DAPK1: variants seen among roughly 807,000 people sequenced by gnomAD.
DAPK1 encodes death associated protein kinase 1.
DAPK1 carries 56 observed loss-of-function variants against 144.9 expected under a neutral mutation model. The observed-to-expected ratio is 0.39, with a 90% confidence interval of 0.31 to 0.48. DAPK1 has a LOEUF of 0.48. Among genes scored for constraint, DAPK1 ranks in the 20% least tolerant of loss-of-function variants. The pLI is 0.95. For synonymous variants in DAPK1, 690 were observed against 749.0 expected (o/e 0.92, Z 1.29); for missense variants, 1,454 against 1,875.4 (o/e 0.78, Z 4.15).
At chr9:87,668,731 T>C (rs948643142) in intron 19 of DAPK1, 57 bp downstream of exon 19, 4 of 884,970 alleles carry the variant, frequency 4.5e-6, no homozygotes, top group Non-Finnish European at 7.8e-6. Context: ...TGAAAAAGTC[T>C]CAGTCTTTTT....
chr9:87,652,901 C>G (rs564687202), intron 17 of DAPK1, among the ~76,000 whole-genome samples: 2 of 140,502 alleles, frequency 1.4e-5, no homozygotes, highest in African/African-American at 5.2e-5. Context: ...CCCACCTGAT[C>G]CCGGGTCCTG....
chr9:87,667,441 C>T (rs552418388), intron 18 of DAPK1, among the ~76,000 whole-genome samples: 54 of 152,304 alleles, frequency 3.5e-4, no homozygotes, highest in African/African-American at 1.2e-3. Context: ...GCTACTGCCA[C>T]CTAGTGTGTA....
rs36203593 is a variant in DAPK1, at chr9:87,572,788, C to T, written c.63-32166C>T. Among the ~76,000 whole-genome samples, 918 of 152,186 alleles carry T rather than the reference C, an allele frequency of 6.0e-3. 15 individuals carry two copies. The highest frequency in any genetic ancestry group is 0.021 in the African/African-American group (888 of 41,520). ...TAAACTTCTTTTATTTGTAATTTACCCATTCTCAGGTATTTCTTTCTTGCA... is the reference window on the plus strand; with the variant it reads ...TAAACTTCTTTTATTTGTAATTTACTCATTCTCAGGTATTTCTTTCTTGCA... On this transcript the variant is annotated intron_variant, in intron 2 of 25. Coordinates refer to ENST00000408954, the MANE Select transcript of DAPK1 (RefSeq NM_004938.4).
intron 17 of DAPK1, among the ~76,000 whole-genome samples, chr9:87,656,106 G>T (rs1830617619): frequency 6.6e-6 from 1 of 152,218 alleles, no homozygotes; most frequent in Non-Finnish European, 1.5e-5. Context: ...AATCAGGGAA[G>T]GCTTTTCAGA....
chr9:87,584,701 A>G (rs541225472), intron 2 of DAPK1, among the ~76,000 whole-genome samples: 3 of 146,548 alleles, frequency 2.0e-5, no homozygotes, highest in Admixed American at 2.0e-4. Flanking sequence ...TTTGAGATGG[A>G]GTTTCACTCT....
intron 3 of DAPK1, among the ~76,000 whole-genome samples, chr9:87,629,368 C>G (rs1256993107): frequency 6.6e-6 from 1 of 152,198 alleles, no homozygotes; most frequent in Non-Finnish European, 1.5e-5. Context: ...GGATTCCCCT[C>G]CAAGCTTTAG....
At chr9:87,677,693 G>A (rs1824446937) in intron 19 of DAPK1, among the ~76,000 whole-genome samples, 1 of 152,190 alleles carries the variant, frequency 6.6e-6, no homozygotes, top group South Asian at 2.1e-4. Flanking sequence ...AATAGATGGG[G>A]AAGTTTGCAT....
chr9:87,596,945 C>T (rs1182565253), intron 2 of DAPK1, among the ~76,000 whole-genome samples: 4 of 152,078 alleles, frequency 2.6e-5, no homozygotes, highest in African/African-American at 9.7e-5. Flanking sequence ...GGACCTATAG[C>T]CATCTGAAGA....
At chr9:87,561,906 A>G (rs1249941342) in intron 2 of DAPK1, among the ~76,000 whole-genome samples, 1 of 152,064 alleles carries the variant, frequency 6.6e-6, no homozygotes, top group Non-Finnish European at 1.5e-5. Context: ...TCAAGCAAGG[A>G]GAAGGGAAGG....
At chr9:87,591,466 G>A (rs1336360140) in intron 2 of DAPK1, among the ~76,000 whole-genome samples, 2 of 152,204 alleles carry the variant, frequency 1.3e-5, no homozygotes, top group Non-Finnish European at 2.9e-5. Flanking sequence ...CAGATAGGTA[G>A]TCAGCATATA....
intron 3 of DAPK1, among the ~76,000 whole-genome samples, chr9:87,605,535 T>A (rs115237980): frequency 0.13 from 19,516 of 151,930 alleles, 1,286 homozygotes; most frequent in East Asian, 0.21. Context: ...TCCTTTCCTC[T>A]CTCTGTTTGT....
At chr9:87,620,407 C>T (rs1042204932) in intron 3 of DAPK1, among the ~76,000 whole-genome samples, 7 of 152,214 alleles carry the variant, frequency 4.6e-5, no homozygotes, top group Non-Finnish European at 1.0e-4. Context: ...AAAATTGCGG[C>T]TCTCCATGTC....
intron 3 of DAPK1, among the ~76,000 whole-genome samples, chr9:87,631,226 A>T (rs557176529): frequency 3.3e-5 from 5 of 152,310 alleles, no homozygotes; most frequent in Admixed American, 2.6e-4. Flanking sequence ...AGCTTAGATG[A>T]TAACCAAAGC....
At chr9:87,604,282 A>T (rs1828634685) in intron 2 of DAPK1, among the ~76,000 whole-genome samples, 1 of 152,076 alleles carries the variant, frequency 6.6e-6, no homozygotes, top group Non-Finnish European at 1.5e-5. Flanking sequence ...GAGTGGACTG[A>T]TTGGCTCAGC....
At chr9:87,676,580 G>A (rs58029587) in intron 19 of DAPK1, among the ~76,000 whole-genome samples, 1 of 152,350 alleles carries the variant, frequency 6.6e-6, no homozygotes, top group Non-Finnish European at 1.5e-5. Context: ...GCTTTTCTTT[G>A]CCTTTCAAGA....
At position 87,571,473 on chromosome 9, in the gene DAPK1, A is replaced by ACCCACC. The variant is rs780465083; in HGVS notation, c.63-33479_63-33478insCACCCC. ...CACACACACACACACACACACACAC[A>ACCCACC]CCAACACACACACACACACACCCCA... On this transcript the variant is annotated intron_variant, in intron 2 of 25. Transcript: ENST00000408954. Among the ~76,000 whole-genome samples, 3 of 57,620 alleles carry ACCCACC rather than the reference A, an allele frequency of 5.2e-5. 1 individual carries two copies. In the East Asian group the frequency reaches 2.0e-3, roughly 38 times the overall value. The allele number at this position is 57,620 out of a possible 152,430, so 37.8% of individuals were successfully genotyped here. A position where few individuals can be genotyped will look rare whatever the true frequency, so the allele number is the denominator to read the frequency against.
In DAPK1 at chr9:87,650,047, T is replaced by C; in HGVS notation, c.1555T>C (p.Ser519Pro). Residue 519 changes from serine (S) to proline (P), a missense_variant, in exon 16 of 26, where the codon TCT becomes CCT. Transcript: ENST00000408954. ...AGGAGAGACGCCCCTCCTGACAGCC[T>C]CTGCCAGGGGCTACCACGACATCGT... ...REGETPLLTA[S>P]ARGYHDIVEC... The C allele has an allele frequency of 6.2e-7, 1 of 1,614,050 alleles. No homozygotes were observed. The highest frequency in any genetic ancestry group is 8.5e-7 in the Non-Finnish European group (1 of 1,179,992).
At chr9:87,640,909 G>A in intron 9 of DAPK1, 62 bp downstream of exon 9, 1 of 1,480,978 alleles carries the variant, frequency 6.8e-7, no homozygotes, top group Non-Finnish European at 9.4e-7. Context: ...GGGCACCCTG[G>A]TATTCATGTA....
chr9:87,663,693 G>A (rs1215326594), intron 18 of DAPK1, among the ~76,000 whole-genome samples: 1 of 151,956 alleles, frequency 6.6e-6, no homozygotes, highest in African/African-American at 2.4e-5. Context: ...CAACACTGAG[G>A]CCCATGCTCA....
Sources: allele counts gnomAD v4.1 joint callset (sites outside exome capture counted in the v4.1 genomes callset), GRCh38; gene constraint gnomAD v4.1.1; transcripts MANE v1.5; gene names NCBI Gene and HGNC (gene_info 2026-07-23, HGNC 2026-07-21).